The following EXD3 variants were observed in gnomAD, a reference collection of about 807,000 sequenced individuals.
The protein encoded by EXD3 is exonuclease mut-7 homolog.
In EXD3, 92 loss-of-function variants were observed where a neutral mutation model predicts 98.0. The ratio of observed to expected loss-of-function variants is 0.94; its 90% CI spans 0.79 to 1.12. The LOEUF (loss-of-function observed/expected upper bound fraction) is 1.12, where lower values mean the gene tolerates loss of function less well. EXD3 is among the 50% of genes most tolerant of loss of function. The pLI is 0.00. For synonymous variants in EXD3, 569 were observed against 526.0 expected, an observed-to-expected ratio of 1.08 and a Z score of -1.12; for missense variants, 1,222 against 1,191.6, an observed-to-expected ratio of 1.03 and a Z score of -0.38.
At chr9:137,351,193 C>A (rs777818090) in intron 13 of EXD3, 46 bp from the exon 14 acceptor site, 4 of 1,539,044 alleles carry the variant, frequency 2.6e-6, no homozygotes, top group Admixed American at 2.0e-5. Context: ...AGGCAGGGAC[C>A]GCACTGTCCC....
intron 17 of EXD3, among the ~76,000 whole-genome samples, chr9:137,329,746 A>ACTACACGGGACTACACGGGG (rs1163972199): frequency 3.0e-4 from 8 of 26,426 alleles, no homozygotes; most frequent in Middle Eastern, 0.024. Flanking sequence ...GTCACACGGG[A>ACTACACGGGACTACACGGGG]CTACACGGGA....
At chr9:137,399,901 G>C (rs1837398898) in intron 1 of EXD3, among the ~76,000 whole-genome samples, 1 of 152,074 alleles carries the variant, frequency 6.6e-6, no homozygotes, top group South Asian at 2.1e-4. Flanking sequence ...GCCAGGCGTG[G>C]TGGTGGTGCC....
intron 7 of EXD3, among the ~76,000 whole-genome samples, chr9:137,358,393 G>C (rs112428342): frequency 4.6e-5 from 7 of 152,130 alleles, no homozygotes; most frequent in Non-Finnish European, 1.0e-4. Flanking sequence ...ACACCGTGCC[G>C]CTCACAAAGA....
chr9:137,390,822 A>G (rs561812726), intron 2 of EXD3, among the ~76,000 whole-genome samples: 1 of 152,332 alleles, frequency 6.6e-6, no homozygotes, highest in African/African-American at 2.4e-5. Flanking sequence ...AGGCCAGCTC[A>G]GCCTCCTTCA....
At chr9:137,375,394 G>A (rs185056853) in intron 3 of EXD3, among the ~76,000 whole-genome samples, 3 of 152,312 alleles carry the variant, frequency 2.0e-5, no homozygotes, top group Non-Finnish European at 2.9e-5. Flanking sequence ...TAGTTCTAGC[G>A]AGTTCCAGCC....
At chr9:137,400,029 CAAA>C (rs36029399) in intron 1 of EXD3, among the ~76,000 whole-genome samples, 5 of 73,316 alleles carry the variant, frequency 6.8e-5, no homozygotes, top group Non-Finnish European at 2.6e-5. Flanking sequence ...AACTCCATCT[CAAA>C]AAAAAAAAAA....
At chr9:137,353,047 C>A in intron 10 of EXD3, 1 of 1,305,764 alleles carries the variant, frequency 7.7e-7, no homozygotes, top group East Asian at 3.6e-5. Context: ...GGTCTCCAAG[C>A]CTGAGGTGAA....
At chr9:137,369,866 G>T (rs1835502343) in intron 5 of EXD3, among the ~76,000 whole-genome samples, 1 of 152,208 alleles carries the variant, frequency 6.6e-6, no homozygotes, top group Admixed American at 6.5e-5. Context: ...GGGCTAACAG[G>T]TGTCTGGACC....
rs1292232068 is a variant in EXD3 at position 137,405,597 on chromosome 9, T to G, written c.-47-10193A>C. ...GGCTCTGGGCTGAGAGGCAGAAGGCTCAGGCACAGCTCCCACTCTGTAAGG... is the reference window on the plus strand; with the variant it reads ...GGCTCTGGGCTGAGAGGCAGAAGGCGCAGGCACAGCTCCCACTCTGTAAGG... On this transcript the variant is annotated intron_variant, in intron 1 of 21. Coordinates refer to ENST00000340951, the MANE Select transcript of EXD3 (RefSeq NM_017820.5). The surrounding 1 kb of genome is among the most constrained non-coding windows in gnomAD (Gnocchi z 4.1). 6.6e-6 allele frequency among the ~76,000 whole-genome samples: 1 copy of G among 152,240 alleles called. No individual in the cohort carries two copies. Among genetic ancestry groups the G allele is most frequent in the Non-Finnish European group, 1.5e-5 (1 of 68,050 alleles).
At chr9:137,320,532 G>A (rs1379557044) in intron 19 of EXD3, among the ~76,000 whole-genome samples, 1 of 152,216 alleles carries the variant, frequency 6.6e-6, no homozygotes, top group Non-Finnish European at 1.5e-5. Context: ...GGGTTGCAGG[G>A]TGTGGGTGGC....
intron 17 of EXD3, among the ~76,000 whole-genome samples, chr9:137,328,127 A>C (rs1832576771): frequency 1.3e-5 from 2 of 151,224 alleles, no homozygotes; most frequent in African/African-American, 4.9e-5. Flanking sequence ...TATGATGAGT[A>C]AAAACAACGA....
At chr9:137,414,841 G>T (rs140232488) in intron 1 of EXD3, among the ~76,000 whole-genome samples, 1 of 152,134 alleles carries the variant, frequency 6.6e-6, no homozygotes, top group African/African-American at 2.4e-5. Context: ...CACGTAGGTC[G>T]CAGGGTTTCT....
At chr9:137,365,864 CAGATAT>C in intron 7 of EXD3, 1 of 366,610 alleles carries the variant, frequency 2.7e-6, no homozygotes, top group Non-Finnish European at 5.4e-6. Flanking sequence ...AATGCACACA[CAGATAT>C]ACATGCACAC....
intron 1 of EXD3, among the ~76,000 whole-genome samples, chr9:137,408,116 C>T (rs1041861891): frequency 6.6e-6 from 1 of 152,204 alleles, no homozygotes; most frequent in Non-Finnish European, 1.5e-5. Flanking sequence ...GCCCCTCCTC[C>T]TCACGTTCGA....
chr9:137,376,025 C>A (rs1284928942), intron 3 of EXD3, among the ~76,000 whole-genome samples: 1 of 152,028 alleles, frequency 6.6e-6, no homozygotes, highest in Non-Finnish European at 1.5e-5. Context: ...CCTCCTTTCC[C>A]CACTTCTTAC....
intron 6 of EXD3, among the ~76,000 whole-genome samples, chr9:137,367,252 A>C (rs1414936533): frequency 6.6e-6 from 1 of 152,188 alleles, no homozygotes; most frequent in Non-Finnish European, 1.5e-5. Flanking sequence ...GCAGAACGCG[A>C]AGCCCCAAGA....
chr9:137,330,189 A>G (rs111207795), intron 17 of EXD3, among the ~76,000 whole-genome samples: 35 of 135,366 alleles, frequency 2.6e-4, no homozygotes, highest in Middle Eastern at 5.1e-3. Context: ...GGGACTACAC[A>G]GGACTACACA....
intron 17 of EXD3, among the ~76,000 whole-genome samples, chr9:137,331,724 T>C (rs1294468312): frequency 6.6e-6 from 1 of 152,044 alleles, no homozygotes; most frequent in Non-Finnish European, 1.5e-5. Context: ...GAGACCAGCC[T>C]GGATAACATG....
chr9:137,366,722 C>A, intron 6 of EXD3, 90 bp from the exon 7 acceptor site: 1 of 1,474,740 alleles, frequency 6.8e-7, no homozygotes, highest in South Asian at 1.3e-5. Context: ...GCCAAAGTGT[C>A]AGAACGAAAG....
Sources: allele counts gnomAD v4.1 joint callset (sites outside exome capture counted in the v4.1 genomes callset), GRCh38; gene constraint gnomAD v4.1.1; non-coding constraint Gnocchi (gnomAD v3.1); transcripts MANE v1.5; gene names NCBI Gene and HGNC (gene_info 2026-07-23, HGNC 2026-07-21).